The following DAB1 variants were observed in gnomAD, a reference collection of about 807,000 sequenced individuals.
DAB1 encodes the protein DAB adaptor protein 1.
In DAB1, 15 loss-of-function variants were observed where a neutral mutation model predicts 64.6. The ratio of observed to expected loss-of-function variants is 0.23; its 90% CI spans 0.16 to 0.36. The LOEUF is 0.36. DAB1 is among the 10% of genes least tolerant of loss of function. The pLI, the probability that DAB1 is intolerant of heterozygous loss-of-function variation, is 1.00. For synonymous variants in DAB1, 235 were observed against 251.9 expected, an observed-to-expected ratio of 0.93 and a Z score of 0.64; for missense variants, 596 against 706.7, an observed-to-expected ratio of 0.84 and a Z score of 1.78.
At chr1:57,916,512 T>G (rs1039955419) in intron 5 of DAB1, among the ~76,000 whole-genome samples, 3 of 152,224 alleles carry the variant, frequency 2.0e-5, no homozygotes, top group South Asian at 2.1e-4. Flanking sequence ...GCCAACATGG[T>G]TGGAGTGCTC....
chr1:57,440,997 G>A (rs190085074), intron 7 of DAB1, among the ~76,000 whole-genome samples: 29 of 152,092 alleles, frequency 1.9e-4, no homozygotes, highest in Admixed American at 1.6e-3. Context: ...CCCAATAAGT[G>A]GCTTATTAAC....
chr1:57,232,915 C>A (rs138641893), intron 2 of DAB1, among the ~76,000 whole-genome samples: 34 of 152,268 alleles, frequency 2.2e-4, no homozygotes, highest in African/African-American at 8.2e-4. Context: ...TTGGTATGAC[C>A]ATGTCCAGTA....
chr1:58,048,792 G>C, intron 5 of DAB1: 1 of 1,146,028 alleles, frequency 8.7e-7, no homozygotes, highest in Non-Finnish European at 1.3e-6. Flanking sequence ...TCACAGTATA[G>C]TATTTCTGAA....
chr1:57,256,885 C>G (rs567916380), intron 2 of DAB1, among the ~76,000 whole-genome samples: 1 of 152,320 alleles, frequency 6.6e-6, no homozygotes, highest in East Asian at 1.9e-4. Flanking sequence ...CCAGTAAGCC[C>G]TGGCAGTCTA....
intron 7 of DAB1, among the ~76,000 whole-genome samples, chr1:57,515,373 G>C (rs1644452029): frequency 6.6e-6 from 1 of 152,198 alleles, no homozygotes; most frequent in African/African-American, 2.4e-5. Context: ...TTACCATCAT[G>C]GCTGTCCTCT....
intron 6 of DAB1, among the ~76,000 whole-genome samples, chr1:57,687,668 T>C (rs991275642): frequency 1.5e-5 from 2 of 130,732 alleles, no homozygotes; most frequent in African/African-American, 2.9e-5. Context: ...CTTCAAACTA[T>C]ACTAAAAGGC....
intron 4 of DAB1, among the ~76,000 whole-genome samples, chr1:57,112,524 G>C (rs966816030): frequency 6.6e-6 from 1 of 152,132 alleles, no homozygotes; most frequent in Non-Finnish European, 1.5e-5. Flanking sequence ...CCCAGGTAGA[G>C]AGCAAGCTGA....
At chr1:57,676,938 T>C (rs1646573981) in intron 6 of DAB1, among the ~76,000 whole-genome samples, 1 of 152,172 alleles carries the variant, frequency 6.6e-6, no homozygotes, top group Non-Finnish European at 1.5e-5. Flanking sequence ...TGGATTAAAC[T>C]GCGTTCTCCT....
chr1:58,245,056 C>T (rs1289317110), intron 4 of DAB1, among the ~76,000 whole-genome samples: 4 of 152,124 alleles, frequency 2.6e-5, no homozygotes, highest in African/African-American at 9.7e-5. Context: ...AACTGCTCAC[C>T]AAAGTATCAA....
At chr1:57,042,417 C>T (rs969898270) in intron 9 of DAB1, among the ~76,000 whole-genome samples, 1 of 152,118 alleles carries the variant, frequency 6.6e-6, no homozygotes, top group African/African-American at 2.4e-5. Flanking sequence ...AAAACTATAA[C>T]ATACCCCTAG....
chr1:58,405,633 G>A lies in DAB1; in HGVS notation n.258-62230C>T, dbSNP rs1422115254. ...CCTCAGCCTCCCAAAGTGCTAGGAT[G>A]TTTAATTGTTTATTTTAAGGCCACC... On this transcript the variant is annotated intron_variant and non_coding_transcript_variant, in intron 3 of 20. Transcript: ENST00000485760. Among the ~76,000 whole-genome samples the A allele has an allele frequency of 2.0e-5, 3 of 152,136 alleles. No homozygotes were observed. The East Asian group carries it at 5.8e-4, about 29-fold the overall frequency.
At chr1:58,385,734 G>A (rs1644427243) in intron 3 of DAB1, among the ~76,000 whole-genome samples, 1 of 152,188 alleles carries the variant, frequency 6.6e-6, no homozygotes, top group African/African-American at 2.4e-5. Context: ...CTGCTGTTAA[G>A]GTTGCTTTGA....
At chr1:57,187,456 A>G (rs1204211297) in intron 2 of DAB1, among the ~76,000 whole-genome samples, 1 of 152,194 alleles carries the variant, frequency 6.6e-6, no homozygotes, top group African/African-American at 2.4e-5. Context: ...ATGATTCTGG[A>G]AAGTGTATAT....
chr1:57,054,041 A>T (rs1214443390), intron 9 of DAB1, among the ~76,000 whole-genome samples: 1 of 152,138 alleles, frequency 6.6e-6, no homozygotes, highest in Non-Finnish European at 1.5e-5. Flanking sequence ...CTGACTGGTT[A>T]TTACTGATAA....
chr1:58,539,524 A>C (rs997150384), intron 1 of DAB1, among the ~76,000 whole-genome samples: 1 of 148,080 alleles, frequency 6.8e-6, no homozygotes, highest in Non-Finnish European at 1.5e-5. Context: ...CGTTTACTTT[A>C]GAAGCTTGAA....
intron 6 of DAB1, among the ~76,000 whole-genome samples, chr1:57,805,181 A>C (rs746809367): frequency 6.6e-6 from 1 of 152,160 alleles, no homozygotes; most frequent in Non-Finnish European, 1.5e-5. Flanking sequence ...TCTCAGAACC[A>C]CTTCTGAACT....
intron 7 of DAB1, among the ~76,000 whole-genome samples, chr1:57,429,079 A>G (rs1250374954): frequency 6.6e-6 from 1 of 152,022 alleles, no homozygotes; most frequent in Non-Finnish European, 1.5e-5. Context: ...ATGCCAGGCT[A>G]ATTTTCAAGA....
At chr1:57,180,474 T>C (rs1444854202) in intron 2 of DAB1, among the ~76,000 whole-genome samples, 2 of 152,056 alleles carry the variant, frequency 1.3e-5, no homozygotes, top group African/African-American at 2.4e-5. Context: ...GACTTCAAAC[T>C]AAAAAAGCAG....
chr1:57,799,457 G>A (rs1651021115), intron 6 of DAB1, among the ~76,000 whole-genome samples: 1 of 151,802 alleles, frequency 6.6e-6, no homozygotes, highest in African/African-American at 2.4e-5. Context: ...GTTTGGGAAT[G>A]ACAAATGGAG....
Sources: gnomAD v4.1 joint callset for allele counts (sites outside exome capture counted in the v4.1 genomes callset) on GRCh38, gnomAD v4.1.1 for gene constraint, MANE v1.5 for transcripts, NCBI Gene and HGNC (gene_info 2026-07-23, HGNC 2026-07-21) for gene names.